Variants in LHX1 observed in about 807,000 individuals in gnomAD.
The protein encoded by LHX1 is LIM homeobox 1.
LHX1 carries 9 observed loss-of-function variants against 34.1 expected under a neutral mutation model. The ratio of observed to expected loss-of-function variants is 0.26; its 90% CI spans 0.16 to 0.46. LHX1 has a LOEUF of 0.46. Ranked by LOEUF, LHX1 falls within the 20% of genes least tolerant of loss-of-function variation. LHX1 has a pLI of 1.00. For synonymous variants in LHX1, 254 were observed against 241.5 expected (o/e 1.05, Z -0.48); for missense variants, 446 against 559.1 (o/e 0.80, Z 2.04).
chr17:36,938,833 T>C, intron 1 of LHX1: 1 of 314,688 alleles, frequency 3.2e-6, no homozygotes. Flanking sequence ...GCCTTTTGCG[T>C]AGAGTGTCTG....
chr17:36,938,157 C>T lies in LHX1; in HGVS notation c.-41C>T. On this transcript the variant is annotated 5_prime_UTR_variant, in exon 1 of 5. Transcript: ENST00000614239. ...AGTCATCCCCTGGGCTCTACTTTGCCCCTCTCTCTCTCTGGGCCTCATCAG... is the reference window on the plus strand; with the variant it reads ...AGTCATCCCCTGGGCTCTACTTTGCTCCTCTCTCTCTCTGGGCCTCATCAG... 6.2e-7 allele frequency: 1 copy of T among 1,605,054 alleles called. No individual in the cohort carries two copies.
chr17:36,937,724 T>G lies in LHX1; in HGVS notation c.-474T>G. ...CATACCCCGACAAAAGCAGATGCAC[T>G]TTGACTTCTGACAGCTCTACCTCAA... On this transcript the variant is annotated 5_prime_UTR_variant, in exon 1 of 5. Transcript: ENST00000614239. 1 of 447,646 alleles carries G rather than the reference T, an allele frequency of 2.2e-6. No homozygotes were observed. Among genetic ancestry groups the G allele is most frequent in the Non-Finnish European group, 4.5e-6 (1 of 222,466 alleles). The allele number at this position is 447,646 out of a possible 1,614,324, so 27.7% of individuals were successfully genotyped here.
chr17:36,940,979 G>A, intron 3 of LHX1, 92 bp downstream of exon 3: 11 of 1,528,896 alleles, frequency 7.2e-6, no homozygotes, highest in Non-Finnish European at 9.6e-6. Flanking sequence ...AATCCAGAGA[G>A]AAGTGAGAGA....
At chr17:36,942,705 C>A (rs749084444) in intron 4 of LHX1, 47 bp from the exon 5 acceptor site, 15 of 1,442,476 alleles carry the variant, frequency 1.0e-5, no homozygotes, top group Non-Finnish European at 1.3e-5. Flanking sequence ...GTCCCGCCGG[C>A]CCCCGGCCGG....
Position 36,938,147 on chromosome 17 carries a change from T to C in LHX1, c.-51T>C. ...TGTCTTCAGGAGTCATCCCCTGGGC[T>C]CTACTTTGCCCCTCTCTCTCTCTGG... On this transcript the variant is annotated 5_prime_UTR_variant, in exon 1 of 5. Transcript: ENST00000614239. 6.3e-7 allele frequency: 1 copy of C among 1,588,116 alleles called. No individual in the cohort carries two copies. The highest frequency in any genetic ancestry group is 8.6e-7 in the Non-Finnish European group (1 of 1,158,314).
upstream of LHX1, chr17:36,937,131 G>T (rs1291762221): frequency 4.9e-6 from 2 of 409,646 alleles, no homozygotes; most frequent in South Asian, 1.7e-5. Context: ...AGGAGAGAAA[G>T]TCGAGCGACT....
chr17:36,940,073 C>G (rs79852242), intron 1 of LHX1: 28,049 of 604,178 alleles, frequency 0.046, 1,361 homozygotes, highest in African/African-American at 0.15. Context: ...TCCCTGGTGC[C>G]GCGCTCTCTC....
At position 36,942,993 on chromosome 17, in the gene LHX1, G is replaced by T. The variant is rs963847409; in HGVS notation, c.1083G>T (p.Leu361=). ...PGDSPSPEPS[L]PGPLHSMSAE... Reference sequence around the variant, plus strand: ...ACTCGCCCAGCCCCGAGCCCAGCCTGCCCGGGCCTCTGCACTCCATGTCGG... The same window carrying T: ...ACTCGCCCAGCCCCGAGCCCAGCCTTCCCGGGCCTCTGCACTCCATGTCGG... Residue 361 remains leucine, a synonymous_variant, in exon 5 of 5, where the codon CTG becomes CTT. Coordinates refer to ENST00000614239, the MANE Select transcript of LHX1 (RefSeq NM_005568.5). 3 of 1,611,294 alleles carry T rather than the reference G, an allele frequency of 1.9e-6. No individual in the cohort carries two copies. Among genetic ancestry groups the T allele is most frequent in the Non-Finnish European group, 2.5e-6 (3 of 1,179,244 alleles).
chr17:36,942,860 C>T lies in LHX1; in HGVS notation c.950C>T (p.Ser317Phe), dbSNP rs1486543010. Residue 317 changes from serine to phenylalanine, a missense_variant, in exon 5 of 5, where the codon TCT (serine) becomes TTT (phenylalanine). Physicochemically the swap from Ser to Phe is radical, Grantham distance 155. Around this residue, in one of 3 missense-constraint regions of LHX1, gnomAD observed 235 missense variants for 224.4 expected, o/e 1.05. Coordinates refer to ENST00000614239, the MANE Select transcript of LHX1 (RefSeq NM_005568.5). ...GTGGACCTACCCTTCGTGCCGTCAT[C>T]TGGGCCGTCCGGGACGCCCCTGGGT... is the stretch of plus-strand genomic sequence containing the variant. ...TPVDLPFVPS[S>F]GPSGTPLGGL... The T allele has an allele frequency of 1.3e-6, 2 of 1,593,054 alleles. No individual in the cohort carries two copies. Among genetic ancestry groups the T allele is most frequent in the Non-Finnish European group, 8.6e-7 (1 of 1,168,776 alleles).
In LHX1 at chr17:36,942,246, T is replaced by C; in HGVS notation, c.722T>C (p.Leu241Pro). ...RRSKERRMKQ[L>P]SALGARRHAF... ...TCCAAGGAGCGGAGGATGAAGCAGCTGAGCGCCCTGGGCGCCCGGCGCCAC... is the reference window on the plus strand; with the variant it reads ...TCCAAGGAGCGGAGGATGAAGCAGCCGAGCGCCCTGGGCGCCCGGCGCCAC... Residue 241 changes from leucine (L) to proline (P), a missense_variant, in exon 4 of 5, where the codon CTG (leucine) becomes CCG (proline). This residue lies in a region of LHX1 where 43 missense variants were observed against 108.0 expected (regional missense o/e 0.40). Transcript: ENST00000614239. 2 of 1,601,964 alleles carry C rather than the reference T, an allele frequency of 1.2e-6. No homozygotes were observed. The highest frequency in any genetic ancestry group is 1.7e-6 in the Non-Finnish European group (2 of 1,176,498).
At chr17:36,938,419 C>T (rs1488810527) in intron 1 of LHX1, 52 bp downstream of exon 1, 27 of 1,560,028 alleles carry the variant, frequency 1.7e-5, no homozygotes, top group Non-Finnish European at 2.4e-5. Context: ...GGGCCCTTCC[C>T]GGCCAGCTTC....
rs1452169136 is a variant in LHX1, at chr17:36,940,891, A to G, written c.675+4A>G. ...CCTCAACATGCGCGTCATTCAGGTC[A>G]GGCCCCGGCGCGCCTCTCCATCCCA... On this transcript the variant is annotated splice_donor_region_variant and intron_variant, in intron 3 of 4. Coordinates refer to ENST00000614239, the MANE Select transcript of LHX1 (RefSeq NM_005568.5). 1.9e-6 allele frequency: 3 copies of G among 1,582,188 alleles called. No individual in the cohort carries two copies. The highest frequency in any genetic ancestry group is 1.3e-5 in the African/African-American group (1 of 74,276).
Position 36,942,280 on chromosome 17 carries a change from C to G in LHX1, c.756C>G (p.Phe252Leu). The change falls in exon 4 of 5, where the codon TTC becomes TTG. Residue 252 changes from phenylalanine to leucine, a missense_variant. Transcript: ENST00000614239. ...TGGGCGCCCGGCGCCACGCCTTCTT[C>G]CGCAGTCCGCGCCGGATGCGGCCGC... Reference protein sequence around the residue: ...SALGARRHAFFRSPRRMRPLV... With the variant: ...SALGARRHAFLRSPRRMRPLV... The G allele has an allele frequency of 6.3e-7, 1 of 1,597,528 alleles. No individual in the cohort carries two copies.
At chr17:36,936,960 A>G (rs1175687033), upstream of LHX1, 2 of 251,624 alleles carry the variant, frequency 7.9e-6, no homozygotes, top group Non-Finnish European at 1.6e-5. Context: ...GGCCTACTGT[A>G]GCCGCTGCGC....
At position 36,942,083 on chromosome 17, in the gene LHX1, A is replaced by T. The variant is rs560220088; in HGVS notation, c.676-117A>T. 566 of 1,026,146 alleles carry T rather than the reference A, an allele frequency of 5.5e-4. 1 individual carries two copies. The highest frequency in any genetic ancestry group is 1.9e-3 in the Middle Eastern group (6 of 3,206). 63.6% of individuals were successfully genotyped at this position (1,026,146 alleles called of 1,614,324 possible). ...TCACCACTACCCTACACACACACAC[A>T]AGCGCGCGCGCGCGGTGTCGGCTAG... On this transcript the variant is annotated intron_variant, in intron 3 of 4. Coordinates refer to ENST00000614239, the MANE Select transcript of LHX1 (RefSeq NM_005568.5).
In LHX1 at chr17:36,943,195, T is replaced by TACA; in HGVS notation, c.*65_*66insCAA. ...GAAATGAACCTTTATTTAAGAAAAA[T>TACA]AGAAAAAAAAAAACATAAAAAGCAA... On this transcript the variant is annotated 3_prime_UTR_variant, in exon 5 of 5. Coordinates refer to ENST00000614239, the MANE Select transcript of LHX1 (RefSeq NM_005568.5). 1.8e-6 allele frequency: 2 copies of TACA among 1,139,970 alleles called. No individual in the cohort carries two copies. Among genetic ancestry groups the TACA allele is most frequent in the Non-Finnish European group, 2.3e-6 (2 of 884,616 alleles). The allele number at this position is 1,139,970 out of a possible 1,614,324, so 70.6% of individuals were successfully genotyped here.
chr17:36,937,042 C>A (rs200321050), upstream of LHX1: 50 of 235,406 alleles, frequency 2.1e-4, no homozygotes, highest in South Asian at 3.6e-4. Flanking sequence ...AAAAGAAAAA[C>A]AAAAAAAAAA....
At chr17:36,939,865 G>A (rs2070752552) in intron 1 of LHX1, among the ~76,000 whole-genome samples, 1 of 152,278 alleles carries the variant, frequency 6.6e-6, no homozygotes, top group African/African-American at 2.4e-5. Context: ...CGTTTATATA[G>A]AGTTCTAATT....
intron 1 of LHX1, among the ~76,000 whole-genome samples, chr17:36,939,163 C>A (rs1370148869): frequency 6.6e-6 from 1 of 152,230 alleles, no homozygotes; most frequent in African/African-American, 2.4e-5. Context: ...GGTGGGGAGA[C>A]TTCTCCCTAC....
Sources: gnomAD v4.1 joint callset for allele counts (sites outside exome capture counted in the v4.1 genomes callset) on GRCh38, gnomAD v4.1.1 for gene constraint, gnomAD v4.1.1 regional missense constraint, MANE v1.5 for transcripts, NCBI Gene and HGNC (gene_info 2026-07-23, HGNC 2026-07-21) for gene names.